Variants in PDGFC observed in about 807,000 individuals in gnomAD.
PDGFC encodes platelet derived growth factor C.
Under a neutral mutation model 35.5 loss-of-function variants are expected in PDGFC, and 12 were observed. The ratio of observed to expected loss-of-function variants is 0.34; its 90% CI spans 0.22 to 0.55. The LOEUF is 0.55. PDGFC is among the 20% of genes least tolerant of loss of function. The pLI is 0.91. For missense variants in PDGFC, 322 were observed against 412.4 expected (o/e 0.78, Z 1.90); for synonymous variants, 159 against 148.8 (o/e 1.07, Z -0.50).
chr4:156,812,088 G>A (rs1471838327), intron 2 of PDGFC, among the ~76,000 whole-genome samples: 2 of 151,626 alleles, frequency 1.3e-5, no homozygotes, highest in African/African-American at 4.8e-5. Flanking sequence ...TTTAAATAAC[G>A]TCAACTATAG....
At chr4:156,826,140 C>G (rs992909515) in intron 2 of PDGFC, among the ~76,000 whole-genome samples, 8 of 136,346 alleles carry the variant, frequency 5.9e-5, no homozygotes, top group Admixed American at 7.8e-5. Context: ...GCTGGGATTA[C>G]AGTCATGAGC....
In PDGFC at chr4:156,941,176, G is replaced by A. The variant is rs112650588; in HGVS notation, c.118+29610C>T. ...AATTAATAATGAAGACCATACTGAC[G>A]CAGTGATCACTGAGCTGAAATCTGA... On this transcript the variant is annotated intron_variant, in intron 1 of 5. Transcript: ENST00000502773. 2.2e-4 allele frequency among the ~76,000 whole-genome samples: 34 copies of A among 152,166 alleles called. 1 individual carries two copies. Among genetic ancestry groups the A allele is most frequent in the African/African-American group, 7.2e-4 (30 of 41,528 alleles).
intron 1 of PDGFC, among the ~76,000 whole-genome samples, chr4:156,863,940 C>T (rs78750167): frequency 0.016 from 2,456 of 152,028 alleles, 65 homozygotes; most frequent in African/African-American, 0.055. Flanking sequence ...AAAGTATCTG[C>T]GCATAATTTA....
chr4:156,843,145 G>A (rs1432493767), intron 2 of PDGFC, among the ~76,000 whole-genome samples: 1 of 152,158 alleles, frequency 6.6e-6, no homozygotes, highest in East Asian at 1.9e-4. Context: ...GTATTTGGGA[G>A]ATGATTAGGT....
chr4:156,897,679 G>C (rs1186907158), intron 1 of PDGFC, among the ~76,000 whole-genome samples: 1 of 152,068 alleles, frequency 6.6e-6, no homozygotes, highest in African/African-American at 2.4e-5. Flanking sequence ...ACAGACATTA[G>C]CATTTTTATG....
At chr4:156,936,479 T>C (rs993927081) in intron 1 of PDGFC, among the ~76,000 whole-genome samples, 3 of 152,152 alleles carry the variant, frequency 2.0e-5, no homozygotes, top group African/African-American at 7.2e-5. Context: ...ACAACAACAG[T>C]TTTTTACCCT....
At chr4:156,860,722 CTT>C (rs1729690939) in intron 1 of PDGFC, among the ~76,000 whole-genome samples, 1 of 151,998 alleles carries the variant, frequency 6.6e-6, no homozygotes. Context: ...TAATGTAAGA[CTT>C]AAAATATGAA....
At chr4:156,929,885 C>A (rs1170848915) in intron 1 of PDGFC, among the ~76,000 whole-genome samples, 1 of 152,098 alleles carries the variant, frequency 6.6e-6, no homozygotes, top group Admixed American at 6.5e-5. Flanking sequence ...CTTGTAGTGT[C>A]CTGAGAAGTG....
chr4:156,944,637 G>A (rs114982372), intron 1 of PDGFC, among the ~76,000 whole-genome samples: 59 of 152,216 alleles, frequency 3.9e-4, no homozygotes, highest in African/African-American at 1.4e-3. Flanking sequence ...AGTCCCACAG[G>A]TGGCACCTTC....
chr4:156,839,593 A>T (rs1428755436), intron 2 of PDGFC, among the ~76,000 whole-genome samples: 1 of 152,198 alleles, frequency 6.6e-6, no homozygotes, highest in African/African-American at 2.4e-5. Context: ...CTGTAAAGAT[A>T]CCCAAATATG....
intron 3 of PDGFC, among the ~76,000 whole-genome samples, chr4:156,783,197 TA>T (rs1159728305): frequency 6.6e-6 from 1 of 152,030 alleles, no homozygotes; most frequent in Non-Finnish European, 1.5e-5. Flanking sequence ...GCATTGCTAT[TA>T]GGGGGAGAGT....
At chr4:156,918,153 TC>T (rs1731193229) in intron 1 of PDGFC, among the ~76,000 whole-genome samples, 1 of 152,218 alleles carries the variant, frequency 6.6e-6, no homozygotes, top group African/African-American at 2.4e-5. Flanking sequence ...TATTTTTGTC[TC>T]AGGAACACTC....
intron 2 of PDGFC, among the ~76,000 whole-genome samples, chr4:156,828,143 C>T (rs769558223): frequency 1.3e-5 from 2 of 152,208 alleles, no homozygotes; most frequent in African/African-American, 2.4e-5. Flanking sequence ...TGAGGGAGCA[C>T]TCTGGCTCTG....
chr4:156,915,485 G>C (rs1731136811), intron 1 of PDGFC, among the ~76,000 whole-genome samples: 1 of 152,268 alleles, frequency 6.6e-6, no homozygotes, highest in East Asian at 1.9e-4. Context: ...ACTGAACTCT[G>C]TCCCTTTATT....
chr4:156,963,016 C>T (rs921426650), intron 1 of PDGFC, among the ~76,000 whole-genome samples: 3 of 152,130 alleles, frequency 2.0e-5, no homozygotes, highest in African/African-American at 2.4e-5. Flanking sequence ...AAATGTAAAT[C>T]CACATCCTTG....
intron 2 of PDGFC, among the ~76,000 whole-genome samples, chr4:156,822,933 C>T (rs905150192): frequency 2.6e-5 from 4 of 151,938 alleles, no homozygotes; most frequent in Non-Finnish European, 2.9e-5. Context: ...GGGGTTTCTC[C>T]GTGTTGGTCA....
At chr4:156,903,003 G>A (rs2110772562) in intron 1 of PDGFC, among the ~76,000 whole-genome samples, 1 of 151,892 alleles carries the variant, frequency 6.6e-6, no homozygotes, top group South Asian at 2.1e-4. Flanking sequence ...AGTTTTTAGA[G>A]TAACATAAAA....
chr4:156,804,122 G>A (rs1259670033), intron 3 of PDGFC, among the ~76,000 whole-genome samples: 1 of 151,884 alleles, frequency 6.6e-6, no homozygotes, highest in Non-Finnish European at 1.5e-5. Flanking sequence ...CATGTGTGCA[G>A]AGTTTCTAAT....
chr4:156,965,212 G>A (rs1732437192), intron 1 of PDGFC, among the ~76,000 whole-genome samples: 1 of 152,126 alleles, frequency 6.6e-6, no homozygotes, highest in Non-Finnish European at 1.5e-5. Context: ...TATCTTAAAA[G>A]ATGGCCTGTT....
Sources: allele counts gnomAD v4.1 joint callset (sites outside exome capture counted in the v4.1 genomes callset), GRCh38; gene constraint gnomAD v4.1.1; transcripts MANE v1.5; gene names NCBI Gene and HGNC (gene_info 2026-07-23, HGNC 2026-07-21).